ENOX2: variants seen among roughly 807,000 people sequenced by gnomAD.
ENOX2 encodes the protein ecto-NOX disulfide-thiol exchanger 2, also known as APK1 antigen.
In ENOX2, 36 loss-of-function variants were observed where a neutral mutation model predicts 45.0. That is an observed-to-expected ratio of 0.80 (90% CI 0.61 to 1.06). The LOEUF (loss-of-function observed/expected upper bound fraction) is 1.06, where lower values mean the gene tolerates loss of function less well. Ranked by LOEUF, ENOX2 falls within the 50% of genes least tolerant of loss-of-function variation. The pLI is 0.00. For synonymous variants in ENOX2, 174 were observed against 152.3 expected, an observed-to-expected ratio of 1.14 and a Z score of -1.05; for missense variants, 423 against 462.5, an observed-to-expected ratio of 0.91 and a Z score of 0.78.
At chrX:130,821,741 T>TAAAAAAAAAA (rs1569505783) in intron 2 of ENOX2, among the ~76,000 whole-genome samples, 1 of 24,191 alleles carries the variant, frequency 4.1e-5, no homozygotes, top group African/African-American at 1.9e-4. Context: ...AATAAATAAA[T>TAAAAAAAAAA]TAAAAAAAAA....
intron 2 of ENOX2, among the ~76,000 whole-genome samples, chrX:130,800,100 T>C (rs1244331641): frequency 9.0e-6 from 1 of 110,959 alleles, no homozygotes; most frequent in African/African-American, 3.3e-5. Context: ...GCTAAAAGTA[T>C]GCCCAGTATG....
chrX:130,852,484 A>C (rs2078230293), intron 2 of ENOX2, among the ~76,000 whole-genome samples: 1 of 112,131 alleles, frequency 8.9e-6, no homozygotes, highest in Non-Finnish European at 1.9e-5. Flanking sequence ...TCACATAGTG[A>C]TAAGTGATAT....
At chrX:130,854,061 T>G (rs2148523403) in intron 2 of ENOX2, among the ~76,000 whole-genome samples, 1 of 111,904 alleles carries the variant, frequency 8.9e-6, no homozygotes, top group South Asian at 3.8e-4. Flanking sequence ...AAATATCAAT[T>G]TAACAGAGGA....
intron 3 of ENOX2, among the ~76,000 whole-genome samples, chrX:130,777,876 G>A (rs2039893999): frequency 8.9e-6 from 1 of 111,952 alleles, no homozygotes. Flanking sequence ...TCTTGAAGCT[G>A]TAATCAGATG....
At chrX:130,658,841 C>T (rs940688311) in intron 9 of ENOX2, among the ~76,000 whole-genome samples, 1 of 112,073 alleles carries the variant, frequency 8.9e-6, no homozygotes, top group Admixed American at 9.4e-5. Context: ...AATTCATCAC[C>T]AATAGACTTG....
intron 2 of ENOX2, among the ~76,000 whole-genome samples, chrX:130,860,870 A>G (rs1009469235): frequency 3.1e-4 from 35 of 112,189 alleles, no homozygotes; most frequent in Non-Finnish European, 1.1e-4. Flanking sequence ...AAATATTTAC[A>G]AGCCATCTAT....
At position 130,731,555 on chromosome X, in the gene ENOX2, A is replaced by C. The variant is rs149156626; in HGVS notation, c.-38-28301T>G. Reference sequence around the variant, plus strand: ...GAAACTTGATCTAAGTCATACTCAAAATGAAACACAGTATCCCTGAAGAAT... The same window carrying C: ...GAAACTTGATCTAAGTCATACTCAACATGAAACACAGTATCCCTGAAGAAT... On this transcript the variant is annotated intron_variant, in intron 3 of 14. Coordinates refer to ENST00000394363, the MANE Select transcript of ENOX2 (RefSeq NM_006375.4). Among the ~76,000 whole-genome samples the C allele has an allele frequency of 9.8e-5, 11 of 112,432 alleles. No individual in the cohort carries two copies. The East Asian group carries it at 1.7e-3, about 17-fold the overall frequency.
chrX:130,809,237 AGAG>A (rs2077354621), intron 2 of ENOX2, among the ~76,000 whole-genome samples: 1 of 112,673 alleles, frequency 8.9e-6, no homozygotes, highest in African/African-American at 3.2e-5. Flanking sequence ...GTTCCATTAC[AGAG>A]GAGGAGTTGA....
intron 4 of ENOX2, 125 bp downstream of exon 4, chrX:130,702,995 A>G: frequency 1.3e-6 from 1 of 748,734 alleles, no homozygotes; most frequent in Non-Finnish European, 1.9e-6. Flanking sequence ...TCATATTACA[A>G]AAATGCACAC....
At chrX:130,715,212 A>G (rs1420451279) in intron 3 of ENOX2, among the ~76,000 whole-genome samples, 1 of 111,510 alleles carries the variant, frequency 9.0e-6, no homozygotes, top group East Asian at 2.8e-4. Context: ...CTACATGGCC[A>G]TGGTCTAAGT....
intron 2 of ENOX2, among the ~76,000 whole-genome samples, chrX:130,873,881 C>T (rs1487249260): frequency 2.0e-5 from 2 of 101,247 alleles, no homozygotes; most frequent in African/African-American, 3.7e-5. Flanking sequence ...ACATCACACA[C>T]GGGGGCCTGT....
At chrX:130,895,945 A>T (rs2079054200) in intron 2 of ENOX2, among the ~76,000 whole-genome samples, 1 of 112,710 alleles carries the variant, frequency 8.9e-6, no homozygotes, top group African/African-American at 3.2e-5. Flanking sequence ...TCTGAAAAGT[A>T]CACATTTGGG....
chrX:130,655,502 G>A (rs1205853240), intron 10 of ENOX2, among the ~76,000 whole-genome samples: 6 of 110,655 alleles, frequency 5.4e-5, no homozygotes, highest in East Asian at 2.8e-4. Flanking sequence ...ACACACACAC[G>A]CACACACACG....
In ENOX2 at chrX:130,626,488, A is replaced by T. The variant is rs2035549722; in HGVS notation, c.1615-1043T>A. On this transcript the variant is annotated intron_variant, in intron 14 of 14. Coordinates refer to ENST00000394363, the MANE Select transcript of ENOX2 (RefSeq NM_006375.4). ...TGCGTGGTAACTTGCACTTTACTAG[A>T]TTTCTACACTGCTTACATTTTTAAG... Among the ~76,000 whole-genome samples, 3 of 112,359 alleles carry T rather than the reference A, an allele frequency of 2.7e-5. No homozygotes were observed. The Admixed American group carries it at 2.8e-4, about 11-fold the overall frequency.
intron 4 of ENOX2, 94 bp from the exon 5 acceptor site, chrX:130,689,112 T>A: frequency 2.8e-6 from 2 of 724,936 alleles, no homozygotes; most frequent in Non-Finnish European, 4.0e-6. Flanking sequence ...AAGGCCTTTC[T>A]AAGACAGAGG....
At chrX:130,711,027 C>T (rs1235795905) in intron 3 of ENOX2, among the ~76,000 whole-genome samples, 4 of 111,585 alleles carry the variant, frequency 3.6e-5, no homozygotes, top group South Asian at 3.8e-4. Context: ...CATAGGACCT[C>T]GCATATAGTA....
rs1434727160 is a variant in ENOX2 at position 130,667,633 on chromosome X, G to A, written c.804C>T (p.Asn268=). The A allele has an allele frequency of 8.3e-7, 1 of 1,211,326 alleles. No homozygotes were observed. The highest frequency in any genetic ancestry group is 2.2e-5 in the Admixed American group (1 of 46,078). ...CGTTCACCAGGCGGCGGACATGGCT[G>A]TTGGCCGACTGGATCATGGAGTAGA... is the stretch of plus-strand genomic sequence containing the variant. ...NNFYSMIQSA[N]SHVRRLVNEK... is the part of the protein sequence containing the mutation. The change falls in exon 8 of 15, where the codon AAC becomes AAT. Residue 268 remains asparagine, a synonymous_variant. Transcript: ENST00000394363.
intron 2 of ENOX2, among the ~76,000 whole-genome samples, chrX:130,784,341 C>A (rs181337316): frequency 0.016 from 1,740 of 111,292 alleles, 20 homozygotes; most frequent in Non-Finnish European, 0.025. Context: ...TATAAAATGG[C>A]AAAAGGTATT....
At chrX:130,716,463 C>T (rs1317489175) in intron 3 of ENOX2, among the ~76,000 whole-genome samples, 1 of 112,105 alleles carries the variant, frequency 8.9e-6, no homozygotes, top group African/African-American at 3.2e-5. Flanking sequence ...CTGATCCCCC[C>T]ATCTGTGGTG....
Sources: gnomAD v4.1 joint callset for allele counts (sites outside exome capture counted in the v4.1 genomes callset) on GRCh38, gnomAD v4.1.1 for gene constraint, MANE v1.5 for transcripts, NCBI Gene and HGNC (gene_info 2026-07-23, HGNC 2026-07-21) for gene names.